CALN1: variants seen among roughly 807,000 people sequenced by gnomAD.
The protein encoded by CALN1 is calcium-binding protein 8.
In CALN1, 17 loss-of-function variants were observed where a neutral mutation model predicts 30.6. The ratio of observed to expected loss-of-function variants is 0.56; its 90% CI spans 0.38 to 0.83. The LOEUF is 0.83. CALN1 is among the 40% of genes least tolerant of loss of function. The probability of loss-of-function intolerance (pLI) is 0.00; values close to 1 mark genes in which losing one functional copy is unlikely to be tolerated. For missense variants in CALN1, 291 were observed against 354.9 expected (o/e 0.82, Z 1.45); for synonymous variants, 156 against 131.4 (o/e 1.19, Z -1.28).
chr7:71,930,335 C>G (rs1002708991), intron 5 of CALN1, among the ~76,000 whole-genome samples: 1 of 152,132 alleles, frequency 6.6e-6, no homozygotes, highest in African/African-American at 2.4e-5. Flanking sequence ...ATGTCGAACA[C>G]CTTTTCATGT....
At chr7:72,112,190 C>T (rs1807628271) in intron 3 of CALN1, among the ~76,000 whole-genome samples, 1 of 152,144 alleles carries the variant, frequency 6.6e-6, no homozygotes, top group African/African-American at 2.4e-5. Context: ...AGGGAGGAGA[C>T]TCATTTCTCA....
At chr7:71,790,933 C>T (rs1045647381) in intron 6 of CALN1, among the ~76,000 whole-genome samples, 4 of 152,056 alleles carry the variant, frequency 2.6e-5, no homozygotes, top group Admixed American at 2.0e-4. Context: ...TTACATTCAG[C>T]TGTTAAAGAA....
At chr7:72,107,616 C>T (rs1436136366) in intron 3 of CALN1, among the ~76,000 whole-genome samples, 1 of 152,148 alleles carries the variant, frequency 6.6e-6, no homozygotes, top group African/African-American at 2.4e-5. Flanking sequence ...TTGGAGGTCA[C>T]AGTGTGAAGA....
intron 2 of CALN1, among the ~76,000 whole-genome samples, chr7:72,391,986 A>G (rs552525423): frequency 5.9e-5 from 9 of 152,212 alleles, no homozygotes; most frequent in Non-Finnish European, 1.2e-4. Flanking sequence ...TTTGACCCCT[A>G]GAGTATGGCA....
intron 2 of CALN1, among the ~76,000 whole-genome samples, chr7:72,329,120 A>AT (rs202041390): frequency 0.015 from 2,240 of 152,336 alleles, 29 homozygotes; most frequent in Non-Finnish European, 0.026. Context: ...TGGTCCATTT[A>AT]TTTCCATTGT....
At chr7:71,842,767 A>G (rs148382159) in intron 5 of CALN1, among the ~76,000 whole-genome samples, 13 of 152,302 alleles carry the variant, frequency 8.5e-5, no homozygotes, top group African/African-American at 2.2e-4. Context: ...TAGTACTTCC[A>G]TAAGTAATTA....
At chr7:71,969,855 C>T (rs546068466) in intron 5 of CALN1, among the ~76,000 whole-genome samples, 9 of 149,846 alleles carry the variant, frequency 6.0e-5, no homozygotes, top group Admixed American at 6.0e-4. Flanking sequence ...GACAGGGTCT[C>T]ACTCTGTCAC....
intron 6 of CALN1, among the ~76,000 whole-genome samples, chr7:71,795,727 C>G (rs930559168): frequency 1.3e-5 from 2 of 151,744 alleles, no homozygotes; most frequent in Non-Finnish European, 2.9e-5. Context: ...TACGATCATA[C>G]AGTAGGTGAC....
chr7:72,185,018 T>C (rs577685068), intron 3 of CALN1, among the ~76,000 whole-genome samples: 1 of 152,214 alleles, frequency 6.6e-6, no homozygotes, highest in East Asian at 1.9e-4. Flanking sequence ...TTGTCCAGGC[T>C]GGTCTCAAAT....
Position 72,428,593 on chromosome 7 carries a change from T to A in CALN1, c.-225-16318A>T, listed in dbSNP as rs572687835. ...TTTTTGTAGAGACAGGGTATCACCA[T>A]GTTGCCCAGGCTGGTCTCAGTCAGC... On this transcript the variant is annotated intron_variant, in intron 1 of 6. Coordinates refer to the CALN1 transcript ENST00000395276. Among the ~76,000 whole-genome samples, 20 of 152,258 alleles carry A rather than the reference T, an allele frequency of 1.3e-4. 1 individual carries two copies. In the South Asian group the frequency reaches 3.9e-3, roughly 30 times the overall value.
At chr7:71,826,747 C>T (rs557350389) in intron 5 of CALN1, among the ~76,000 whole-genome samples, 4 of 152,284 alleles carry the variant, frequency 2.6e-5, no homozygotes, top group Admixed American at 6.5e-5. Flanking sequence ...TGTGGGGTCT[C>T]ATCATTGCAA....
At chr7:72,409,426 C>T (rs569909251) in intron 1 of CALN1, among the ~76,000 whole-genome samples, 1 of 146,762 alleles carries the variant, frequency 6.8e-6, no homozygotes, top group African/African-American at 2.5e-5. Context: ...TCCTCAGAGG[C>T]TGGCGCAGAG....
At chr7:72,401,246 G>A (rs1478629718) in intron 2 of CALN1, among the ~76,000 whole-genome samples, 1 of 152,148 alleles carries the variant, frequency 6.6e-6, no homozygotes. Context: ...CACTCTGAGA[G>A]ATAACATTAC....
intron 2 of CALN1, among the ~76,000 whole-genome samples, chr7:72,344,582 T>G (rs932331324): frequency 6.8e-6 from 1 of 147,432 alleles, no homozygotes; most frequent in South Asian, 2.1e-4. Flanking sequence ...TTATATATTC[T>G]ATTTATATGT....
intron 5 of CALN1, among the ~76,000 whole-genome samples, chr7:71,969,221 C>T (rs922187018): frequency 6.6e-6 from 1 of 152,210 alleles, no homozygotes; most frequent in African/African-American, 2.4e-5. Context: ...TTATCTTTTG[C>T]AGCCTGTGAA....
At chr7:72,211,726 G>C (rs1792411442) in intron 3 of CALN1, among the ~76,000 whole-genome samples, 1 of 152,166 alleles carries the variant, frequency 6.6e-6, no homozygotes, top group South Asian at 2.1e-4. Flanking sequence ...AGGAGTCCTT[G>C]AGTTATGGCT....
intron 4 of CALN1, among the ~76,000 whole-genome samples, chr7:72,096,095 A>G (rs950499716): frequency 6.6e-6 from 1 of 152,060 alleles, no homozygotes; most frequent in East Asian, 1.9e-4. Context: ...ATAGATAAAG[A>G]TAGATAGATA....
chr7:72,217,621 C>T (rs565190349), intron 3 of CALN1, among the ~76,000 whole-genome samples: 12 of 151,950 alleles, frequency 7.9e-5, no homozygotes, highest in East Asian at 1.9e-4. Context: ...GGAAGAAGGA[C>T]GATTTCACAG....
At chr7:72,396,086 T>A (rs1246368453) in intron 2 of CALN1, among the ~76,000 whole-genome samples, 1 of 151,450 alleles carries the variant, frequency 6.6e-6, no homozygotes, top group Admixed American at 6.6e-5. Flanking sequence ...AGAGGCTACA[T>A]TACATGAGGC....
Sources: allele counts gnomAD v4.1 joint callset (sites outside exome capture counted in the v4.1 genomes callset), GRCh38; gene constraint gnomAD v4.1.1; transcripts MANE v1.5; gene names NCBI Gene and HGNC (gene_info 2026-07-23, HGNC 2026-07-21).